The following AOPEP variants were observed in gnomAD, a reference collection of about 807,000 sequenced individuals.
The protein encoded by AOPEP is aminopeptidase O.
Under a neutral mutation model 98.1 loss-of-function variants are expected in AOPEP, and 77 were observed. The observed-to-expected ratio is 0.78, with a 90% CI of 0.65 to 0.95. The LOEUF (loss-of-function observed/expected upper bound fraction) is 0.95, where lower values mean the gene tolerates loss of function less well. Ranked by LOEUF, AOPEP falls within the 40% of genes least tolerant of loss-of-function variation. The probability of loss-of-function intolerance (pLI) is 0.00; values close to 1 mark genes in which losing one functional copy is unlikely to be tolerated. For missense variants in AOPEP, 1,024 were observed against 1,024.7 expected, an observed-to-expected ratio of 1.00 and a Z score of 0.01; for synonymous variants, 346 against 365.3, an observed-to-expected ratio of 0.95 and a Z score of 0.60.
intron 5 of AOPEP, among the ~76,000 whole-genome samples, chr9:94,861,109 A>G (rs2135421201): frequency 6.6e-6 from 1 of 152,322 alleles, no homozygotes; most frequent in South Asian, 2.1e-4. Context: ...AGAGGGGCTG[A>G]TGAACCAGAA....
chr9:94,828,426 G>A (rs554053153), intron 5 of AOPEP, among the ~76,000 whole-genome samples: 4 of 152,248 alleles, frequency 2.6e-5, no homozygotes, highest in South Asian at 4.2e-4. Flanking sequence ...TGTTTTGCCT[G>A]TGGATATCTA....
At position 94,837,985 on chromosome 9, in the gene AOPEP, A is replaced by G. The variant is rs141852137; in HGVS notation, c.1364+36983A>G. On this transcript the variant is annotated intron_variant, in intron 5 of 16. Coordinates refer to ENST00000375315, the MANE Select transcript of AOPEP (RefSeq NM_001193329.3). Reference sequence around the variant, plus strand: ...GAAATCAAATTGTCACTGTTTGCTGATGACATGATTGTATATCTAGAAAAC... The same window carrying G: ...GAAATCAAATTGTCACTGTTTGCTGGTGACATGATTGTATATCTAGAAAAC... Among the ~76,000 whole-genome samples, 440 of 152,304 alleles carry G rather than the reference A, an allele frequency of 2.9e-3. 1 individual carries two copies. In the Middle Eastern group the frequency reaches 0.031, roughly 11 times the overall value.
At chr9:95,124,165 G>A in the AOPEP span, among the ~76,000 whole-genome samples, 1 of 146,448 alleles carries the variant, frequency 6.8e-6, no homozygotes, top group African/African-American at 2.5e-5. Context: ...AGATCTATTT[G>A]ACGTTGGCGG....
chr9:94,743,521 T>C (rs990906488), intron 1 of AOPEP, among the ~76,000 whole-genome samples: 1 of 152,182 alleles, frequency 6.6e-6, no homozygotes, highest in African/African-American at 2.4e-5. Flanking sequence ...AAAAGTTTGA[T>C]AGATAAACAA....
chr9:94,800,705 C>G (rs896167768), intron 4 of AOPEP, 52 bp from the exon 5 acceptor site: 10 of 1,602,124 alleles, frequency 6.2e-6, no homozygotes, highest in African/African-American at 5.4e-5. Flanking sequence ...TGCCTCACCT[C>G]CACAGCAAGA....
chr9:95,085,802 AAAACC>A (rs2070593824), intron 16 of AOPEP: 1 of 907,858 alleles, frequency 1.1e-6, no homozygotes, highest in Non-Finnish European at 1.4e-6. Context: ...ACAAAAAACT[AAAACC>A]AAATGCATCA....
chr9:94,763,076 C>A, intron 2 of AOPEP: 1 of 437,186 alleles, frequency 2.3e-6, no homozygotes. Context: ...CAGTTATACC[C>A]GCTCTAAGTT....
chr9:95,149,635 T>C, the AOPEP span, among the ~76,000 whole-genome samples: 3 of 152,130 alleles, frequency 2.0e-5, no homozygotes, highest in South Asian at 2.1e-4. Flanking sequence ...CACACCACCA[T>C]GCTTGACTAA....
At chr9:95,015,527 TGAATA>T (rs1253854338) in intron 13 of AOPEP, among the ~76,000 whole-genome samples, 2 of 152,192 alleles carry the variant, frequency 1.3e-5, no homozygotes, top group African/African-American at 4.8e-5. Context: ...AATACTGAGA[TGAATA>T]GAATAGTTTA....
chr9:94,766,529 TC>T (rs1839666691), intron 2 of AOPEP, among the ~76,000 whole-genome samples: 1 of 152,216 alleles, frequency 6.6e-6, no homozygotes, highest in Non-Finnish European at 1.5e-5. Context: ...AGAGCGAGAC[TC>T]CATCTCAAAA....
chr9:95,058,969 A>G (rs1218216608), intron 13 of AOPEP, among the ~76,000 whole-genome samples: 1 of 152,228 alleles, frequency 6.6e-6, no homozygotes, highest in African/African-American at 2.4e-5. Flanking sequence ...CTGCCTGGGC[A>G]GAAGTGCTGG....
At chr9:94,765,373 G>A (rs546880581) in intron 2 of AOPEP, among the ~76,000 whole-genome samples, 183 of 150,820 alleles carry the variant, frequency 1.2e-3, no homozygotes, top group African/African-American at 4.3e-3. Flanking sequence ...ACAGAGGCAG[G>A]AGGATAGCTT....
At chr9:95,107,366 G>T in the AOPEP span, 1 of 1,343,590 alleles carries the variant, frequency 7.4e-7, no homozygotes, top group Non-Finnish European at 1.0e-6. Context: ...CCCCAGAAAC[G>T]GGTAAGCACT....
chr9:95,125,229 C>G, the AOPEP span: 5 of 1,521,462 alleles, frequency 3.3e-6, no homozygotes, highest in African/African-American at 6.8e-5. Flanking sequence ...AACAAGTAAT[C>G]CGGCAAACAT....
chr9:94,787,474 C>T (rs1169966699), intron 3 of AOPEP, among the ~76,000 whole-genome samples: 1 of 152,190 alleles, frequency 6.6e-6, no homozygotes, highest in Non-Finnish European at 1.5e-5. Flanking sequence ...TGCCCATGGA[C>T]TACGTGGATG....
chr9:95,059,940 C>G (rs12683564), intron 13 of AOPEP, among the ~76,000 whole-genome samples: 1 of 152,208 alleles, frequency 6.6e-6, no homozygotes, highest in African/African-American at 2.4e-5. Context: ...GCGAGTAACA[C>G]GGATGAAGTC....
At chr9:94,882,450 G>A (rs530358031) in intron 5 of AOPEP, among the ~76,000 whole-genome samples, 1 of 151,826 alleles carries the variant, frequency 6.6e-6, no homozygotes, top group Admixed American at 6.5e-5. Context: ...TTTCTAATAC[G>A]CCTCCCAACT....
rs573663915 is a variant in AOPEP at position 94,743,306 on chromosome 9, G to A, written c.-135-16343G>A. ...ATGATACTGTGTCCCAGGAATCATCGGAGGTGGTGGAAAGTTAGTGGTATG... is the reference window on the plus strand; with the variant it reads ...ATGATACTGTGTCCCAGGAATCATCAGAGGTGGTGGAAAGTTAGTGGTATG... On this transcript the variant is annotated intron_variant, in intron 1 of 16. Transcript: ENST00000375315. Among the ~76,000 whole-genome samples the A allele has an allele frequency of 1.2e-4, 18 of 152,274 alleles. No homozygotes were observed. The South Asian group carries it at 3.3e-3, about 28-fold the overall frequency.
intron 5 of AOPEP, among the ~76,000 whole-genome samples, chr9:94,852,271 G>T (rs1289526553): frequency 6.6e-6 from 1 of 152,184 alleles, no homozygotes; most frequent in African/African-American, 2.4e-5. Flanking sequence ...GCAGTACTTT[G>T]AAATTTTTTT....
Sources: gnomAD v4.1 joint callset for allele counts (sites outside exome capture counted in the v4.1 genomes callset) on GRCh38, gnomAD v4.1.1 for gene constraint, MANE v1.5 for transcripts, NCBI Gene and HGNC (gene_info 2026-07-23, HGNC 2026-07-21) for gene names.